Variants in GNB1 observed in about 807,000 individuals in gnomAD.
The protein encoded by GNB1 is G protein subunit beta 1, also known as guanine nucleotide-binding protein G(I)/G(S)/G(T) subunit beta-1.
A neutral mutation model predicts 42.9 loss-of-function variants in GNB1; 2 were observed. The ratio of observed to expected loss-of-function variants is 0.05; its 90% confidence interval spans 0.02 to 0.15. GNB1 has a LOEUF of 0.15. Ranked by LOEUF, GNB1 falls within the 10% of genes least tolerant of loss-of-function variation. The pLI is 1.00. For missense variants in GNB1, 193 were observed against 462.2 expected (o/e 0.42, Z 5.34); for synonymous variants, 183 against 174.7 (o/e 1.05, Z -0.38).
intron 4 of GNB1, among the ~76,000 whole-genome samples, chr1:1,816,122 C>A (rs1646851935): frequency 6.6e-6 from 1 of 152,218 alleles, no homozygotes; most frequent in African/African-American, 2.4e-5. Flanking sequence ...AGCCTTGAAG[C>A]ACTTGCTGTT....
At chr1:1,817,623 G>GATT (rs1278297316) in intron 4 of GNB1, 1 of 448,322 alleles carries the variant, frequency 2.2e-6, no homozygotes, top group Non-Finnish European at 4.1e-6. Flanking sequence ...ACAGGTAGAT[G>GATT]ATTATTCAAG....
At chr1:1,866,104 A>G (rs926521936) in intron 1 of GNB1, among the ~76,000 whole-genome samples, 1 of 152,138 alleles carries the variant, frequency 6.6e-6, no homozygotes, top group Non-Finnish European at 1.5e-5. Flanking sequence ...ACGGCCAGCT[A>G]ATTTTTTCTA....
chr1:1,890,352 C>T (rs1009195732), intron 1 of GNB1: 7 of 151,562 alleles, frequency 4.6e-5, no homozygotes, highest in African/African-American at 1.7e-4. Context: ...GCCGCCCGGC[C>T]CTCAAAGTCA....
At chr1:1,810,088 A>T (rs994758391) in intron 5 of GNB1, among the ~76,000 whole-genome samples, 12 of 151,782 alleles carry the variant, frequency 7.9e-5, no homozygotes, top group African/African-American at 1.9e-4. Flanking sequence ...ATATATATAT[A>T]TTTTTTGAGA....
intron 1 of GNB1, among the ~76,000 whole-genome samples, chr1:1,855,110 G>A (rs1373940278): frequency 6.6e-6 from 1 of 150,828 alleles, no homozygotes; most frequent in African/African-American, 2.4e-5. Context: ...AGTGGGCCGA[G>A]ATAGCTCCAC....
At position 1,845,888 on chromosome 1, in the gene GNB1, CTT is replaced by C. The variant is rs550470806; in HGVS notation, c.-95-6652_-95-6651del. Among the ~76,000 whole-genome samples the C allele has an allele frequency of 7.9e-5, 12 of 151,336 alleles. No homozygotes were observed. In the South Asian group the frequency reaches 1.5e-3, roughly 19 times the overall value. On this transcript the variant is annotated intron_variant, in intron 1 of 11. Coordinates refer to ENST00000378609, the MANE Select transcript of GNB1 (RefSeq NM_002074.5). The stretch of plus-strand genomic sequence containing the variant: ...ACACACACACGTATATCTCCTATCT[CTT>C]GTCAACTGAAAGGTCTGGAAGCAAC...
rs765646802 is a variant in GNB1, at chr1:1,793,229, C to T, written c.497+16G>A. ...TGGGTTCTCAAGGCACTGCCTGCCC[C>T]GGGTCAGGTACTTACCACGTGGTGT... On this transcript the variant is annotated intron_variant, in intron 8 of 11. Coordinates refer to ENST00000378609, the MANE Select transcript of GNB1 (RefSeq NM_002074.5). 5.2e-5 allele frequency: 83 copies of T among 1,588,206 alleles called. No individual in the cohort carries two copies. Among genetic ancestry groups the T allele is most frequent in the East Asian group, 1.6e-4 (7 of 44,586 alleles).
In GNB1 at chr1:1,790,324, TA is replaced by T; in HGVS notation, c.699+70del. On this transcript the variant is annotated intron_variant, in intron 9 of 11. Coordinates refer to ENST00000378609, the MANE Select transcript of GNB1 (RefSeq NM_002074.5). This position sits in a 1 kb window ranked among gnomAD's most constrained non-coding sequence, Gnocchi z 5.4. ...GGAGAACATCTAATCCAGAAAAGTTTAAAATTTAGCAATCTGAACGGCTAGC... is the reference window on the plus strand; with the variant it reads ...GGAGAACATCTAATCCAGAAAAGTTTAAATTTAGCAATCTGAACGGCTAGC... The T allele has an allele frequency of 9.2e-7, 1 of 1,081,264 alleles. No individual in the cohort carries two copies. Among genetic ancestry groups the T allele is most frequent in the Non-Finnish European group, 1.4e-6 (1 of 699,980 alleles). The allele number at this position is 1,081,264 out of a possible 1,614,324, so 67.0% of individuals were successfully genotyped here. A position where few individuals can be genotyped will look rare whatever the true frequency, so the allele number is the denominator to read the frequency against.
At chr1:1,823,377 T>C (rs867097612) in intron 3 of GNB1, among the ~76,000 whole-genome samples, 1 of 152,114 alleles carries the variant, frequency 6.6e-6, no homozygotes, top group African/African-American at 2.4e-5. Flanking sequence ...AACAACACTT[T>C]GCTTTTCTTT....
chr1:1,882,898 G>GT (rs1272295392), intron 1 of GNB1, among the ~76,000 whole-genome samples: 1 of 151,570 alleles, frequency 6.6e-6, no homozygotes, highest in Non-Finnish European at 1.5e-5. Flanking sequence ...TCCAGCCTGG[G>GT]TGACAGGGCA....
At chr1:1,839,598 G>A (rs562770067) in intron 1 of GNB1, 1 of 152,140 alleles carries the variant, frequency 6.6e-6, no homozygotes, top group South Asian at 2.1e-4. Context: ...TGCAATCCCA[G>A]CACTTTGGGA....
chr1:1,858,962 A>G (rs1648454389), intron 1 of GNB1, among the ~76,000 whole-genome samples: 1 of 152,108 alleles, frequency 6.6e-6, no homozygotes, highest in African/African-American at 2.4e-5. Context: ...TGTACAACCC[A>G]TTAGTAATTG....
At chr1:1,817,754 G>A in intron 4 of GNB1, 83 bp downstream of exon 4, 3 of 923,314 alleles carry the variant, frequency 3.2e-6, no homozygotes, top group Non-Finnish European at 5.3e-6. Flanking sequence ...AATGCAAGCA[G>A]AGCCCTCCCG....
rs547594585 is a variant in GNB1 at position 1,804,148 on chromosome 1, T to C, written c.430+271A>G. On this transcript the variant is annotated intron_variant, in intron 7 of 11. Coordinates refer to ENST00000378609, the MANE Select transcript of GNB1 (RefSeq NM_002074.5). The stretch of plus-strand genomic sequence containing the variant: ...CTCTACTAAAAATACAAAAAAGAAA[T>C]TAGCTGGGCGTGGTGGTGGGCGCCT... Among the ~76,000 whole-genome samples the C allele has an allele frequency of 4.6e-5, 7 of 151,018 alleles. No individual in the cohort carries two copies. In the South Asian group the frequency reaches 1.5e-3, roughly 32 times the overall value.
At chr1:1,846,001 C>A (rs1050641967) in intron 1 of GNB1, among the ~76,000 whole-genome samples, 4 of 120,986 alleles carry the variant, frequency 3.3e-5, no homozygotes, top group Admixed American at 3.0e-4. Context: ...TGAGAAATCA[C>A]TCCCTCAAGG....
chr1:1,813,495 T>A (rs1646810672), intron 5 of GNB1, among the ~76,000 whole-genome samples: 1 of 152,204 alleles, frequency 6.6e-6, no homozygotes, highest in Non-Finnish European at 1.5e-5. Flanking sequence ...TTTACTTATT[T>A]ATTTAGAGAC....
intron 1 of GNB1, among the ~76,000 whole-genome samples, chr1:1,872,856 G>T (rs1255533651): frequency 1.3e-5 from 2 of 152,072 alleles, no homozygotes; most frequent in Non-Finnish European, 2.9e-5. Context: ...CTTGCTCAAA[G>T]TAAGTACTTG....
chr1:1,889,679 G>A (rs1465497573), intron 1 of GNB1, among the ~76,000 whole-genome samples: 1 of 148,906 alleles, frequency 6.7e-6, no homozygotes, highest in African/African-American at 2.5e-5. Context: ...AAAAAAAAAG[G>A]CTTCCATGAA....
chr1:1,807,735 T>A (rs2100746400), intron 5 of GNB1, among the ~76,000 whole-genome samples: 1 of 149,498 alleles, frequency 6.7e-6, no homozygotes, highest in Non-Finnish European at 1.5e-5. Flanking sequence ...TGAGACGGAG[T>A]CTCGCTCCGT....
Sources: gnomAD v4.1 joint callset for allele counts (sites outside exome capture counted in the v4.1 genomes callset) on GRCh38, gnomAD v4.1.1 for gene constraint, Gnocchi (gnomAD v3.1) non-coding constraint, MANE v1.5 for transcripts, NCBI Gene and HGNC (gene_info 2026-07-23, HGNC 2026-07-21) for gene names.